Variants in SLC9D1 observed in about 807,000 individuals in gnomAD.
SLC9D1 encodes the protein putative LAG1-interacting protein.
the SLC9D1 span, chr13:113,505,587 C>A: frequency 6.6e-6 from 1 of 152,146 alleles, no homozygotes; most frequent in Non-Finnish European, 1.5e-5. Context: ...GTAACATGAC[C>A]GCGGCAATGT....
chr13:113,501,232 G>A, the SLC9D1 span, among the ~76,000 whole-genome samples: 3 of 152,206 alleles, frequency 2.0e-5, no homozygotes, highest in African/African-American at 7.2e-5. Flanking sequence ...TCAGCCCTCT[G>A]TGTCCACGTG....
At chr13:113,541,557 T>A in the SLC9D1 span, among the ~76,000 whole-genome samples, 1 of 133,824 alleles carries the variant, frequency 7.5e-6, no homozygotes, top group Non-Finnish European at 1.6e-5. Flanking sequence ...CTGAGTTGTG[T>A]GGGTGCCATG....
At chr13:113,509,489 G>A in the SLC9D1 span, among the ~76,000 whole-genome samples, 13 of 151,974 alleles carry the variant, frequency 8.6e-5, no homozygotes, top group African/African-American at 2.7e-4. Context: ...GGGCTCTCCC[G>A]GAGCCGCATG....
At chr13:113,510,449 C>T in the SLC9D1 span, 38 of 1,598,022 alleles carry the variant, frequency 2.4e-5, 1 homozygote, top group South Asian at 1.6e-4. Flanking sequence ...GTTCTGAGTG[C>T]GTGTCTAATT....
chr13:113,498,534 G>A, the SLC9D1 span: 52 of 1,562,372 alleles, frequency 3.3e-5, 1 homozygote, highest in Admixed American at 1.0e-3. Context: ...AAGCGTTCCA[G>A]AACAGCTGCT....
At chr13:113,546,367 G>A in the SLC9D1 span, among the ~76,000 whole-genome samples, 2 of 151,992 alleles carry the variant, frequency 1.3e-5, no homozygotes, top group African/African-American at 4.8e-5. The surrounding 1 kb of genome is among the most constrained non-coding windows in gnomAD (Gnocchi z 7.1). Flanking sequence ...GGTGGCCGGG[G>A]TAGGAGGGGC....
At chr13:113,495,947 G>A in the SLC9D1 span, 5 of 1,613,984 alleles carry the variant, frequency 3.1e-6, no homozygotes, top group Admixed American at 8.3e-5. Context: ...GAGCCCTGCA[G>A]GGGGATTACA....
the SLC9D1 span, among the ~76,000 whole-genome samples, chr13:113,491,566 G>A: frequency 6.6e-6 from 1 of 152,090 alleles, no homozygotes; most frequent in African/African-American, 2.4e-5. Context: ...CTCTCCTCGG[G>A]GCTCCCCTTT....
At chr13:113,507,063 T>C in the SLC9D1 span, among the ~76,000 whole-genome samples, 2 of 152,106 alleles carry the variant, frequency 1.3e-5, no homozygotes, top group African/African-American at 4.8e-5. Context: ...GTGAAACTCC[T>C]TGCTGACATC....
the SLC9D1 span, among the ~76,000 whole-genome samples, chr13:113,497,738 T>G: frequency 6.6e-6 from 1 of 152,262 alleles, no homozygotes; most frequent in African/African-American, 2.4e-5. Context: ...GCGATGATGT[T>G]CTTCTAGGCT....
chr13:113,533,603 C>G, the SLC9D1 span, among the ~76,000 whole-genome samples: 1 of 152,198 alleles, frequency 6.6e-6, no homozygotes, highest in Non-Finnish European at 1.5e-5. Flanking sequence ...GAATCACAGA[C>G]ACAGACCTCA....
At chr13:113,546,268 G>C in the SLC9D1 span, among the ~76,000 whole-genome samples, 1 of 152,018 alleles carries the variant, frequency 6.6e-6, no homozygotes, top group South Asian at 2.1e-4. The surrounding 1 kb of genome is among the most constrained non-coding windows in gnomAD (Gnocchi z 7.1). Context: ...CTGGGGCCGG[G>C]GCTCAGCTGA....
chr13:113,519,210 A>AT, the SLC9D1 span, among the ~76,000 whole-genome samples: 52 of 151,884 alleles, frequency 3.4e-4, no homozygotes, highest in East Asian at 8.7e-3. Flanking sequence ...TGCCCAGCTA[A>AT]TTTTTTGTAT....
the SLC9D1 span, among the ~76,000 whole-genome samples, chr13:113,508,345 A>G: frequency 6.6e-6 from 1 of 152,226 alleles, no homozygotes; most frequent in Non-Finnish European, 1.5e-5. Flanking sequence ...AGAGCTGGCT[A>G]ACACTGCTTG....
the SLC9D1 span, chr13:113,524,033 T>C: frequency 2.9e-5 from 13 of 447,112 alleles, no homozygotes; most frequent in East Asian, 4.9e-4. Context: ...TGGCCAGTGA[T>C]ACTGTCTGTG....
the SLC9D1 span, among the ~76,000 whole-genome samples, chr13:113,540,117 G>C: frequency 6.6e-6 from 1 of 152,156 alleles, no homozygotes; most frequent in East Asian, 1.9e-4. Context: ...CTGGTCCACG[G>C]TTGATGGACA....
the SLC9D1 span, chr13:113,547,416 C>T: frequency 1.3e-6 from 2 of 1,525,612 alleles, no homozygotes; most frequent in South Asian, 1.1e-5. Context: ...TCGCAGTTTG[C>T]AGGCTCAGCA....
At chr13:113,545,598 T>C in the SLC9D1 span, among the ~76,000 whole-genome samples, 1 of 152,284 alleles carries the variant, frequency 6.6e-6, no homozygotes, top group South Asian at 2.1e-4. Flanking sequence ...CCAGGAACTC[T>C]TAGCTCAGGC....
the SLC9D1 span, among the ~76,000 whole-genome samples, chr13:113,492,914 C>CA: frequency 5.9e-5 from 9 of 151,512 alleles, 1 homozygote; most frequent in South Asian, 6.2e-4. Flanking sequence ...GCAACAACAA[C>CA]AAAAAAAACA....
Sources: allele counts gnomAD v4.1 joint callset (sites outside exome capture counted in the v4.1 genomes callset), GRCh38; gene constraint gnomAD v4.1.1; non-coding constraint Gnocchi (gnomAD v3.1); transcripts MANE v1.5; gene names NCBI Gene and HGNC (gene_info 2026-07-23, HGNC 2026-07-21).